The following NEGR1 variants were observed in gnomAD, a reference collection of about 807,000 sequenced individuals.
NEGR1 encodes the protein neuronal growth regulator 1.
In NEGR1, 10 loss-of-function variants were observed where a neutral mutation model predicts 40.9. The observed-to-expected ratio is 0.24, with a 90% CI of 0.15 to 0.42. The LOEUF (loss-of-function observed/expected upper bound fraction) is 0.42, where lower values mean the gene tolerates loss of function less well. NEGR1 is among the 10% of genes least tolerant of loss of function. NEGR1 has a pLI of 1.00. For synonymous variants in NEGR1, 185 were observed against 166.8 expected (o/e 1.11, Z -0.84); for missense variants, 352 against 438.9 (o/e 0.80, Z 1.77).
rs1646246916 is a variant in NEGR1 at position 71,401,595 on chromosome 1, TTCATGTTAGTA to T, written c.*5840_*5850del. 1.3e-5 allele frequency: 2 copies of T among 152,222 alleles called. No individual in the cohort carries two copies. The highest frequency in any genetic ancestry group is 4.8e-5 in the African/African-American group (2 of 41,468). The allele number at this position is 152,222 out of a possible 1,614,324, so 9.4% of individuals were successfully genotyped here. A position where few individuals can be genotyped will look rare whatever the true frequency, so the allele number is the denominator to read the frequency against. Reference sequence around the variant, plus strand: ...TCTACTGTCCCAGCACAAACAGATGTTCATGTTAGTATTTCAATATAAATGGCCTCAAACAA... The same window carrying T: ...TCTACTGTCCCAGCACAAACAGATGTTTTCAATATAAATGGCCTCAAACAA... On this transcript the variant is annotated 3_prime_UTR_variant, in exon 7 of 7. Coordinates refer to ENST00000357731, the MANE Select transcript of NEGR1 (RefSeq NM_173808.3).
chr1:71,675,354 T>C (rs1357709655), intron 4 of NEGR1, among the ~76,000 whole-genome samples: 1 of 150,744 alleles, frequency 6.6e-6, no homozygotes, highest in Non-Finnish European at 1.5e-5. Flanking sequence ...ATGGGAGCAG[T>C]ACAAGAATAA....
chr1:72,181,594 A>G (rs1652374216), intron 1 of NEGR1, among the ~76,000 whole-genome samples: 1 of 152,132 alleles, frequency 6.6e-6, no homozygotes, highest in Admixed American at 6.6e-5. Flanking sequence ...CCAAAATGAA[A>G]TCACCATCTC....
At chr1:71,835,612 C>A (rs1417669787) in intron 2 of NEGR1, among the ~76,000 whole-genome samples, 21 of 152,022 alleles carry the variant, frequency 1.4e-4, no homozygotes, top group Non-Finnish European at 1.9e-4. Flanking sequence ...GTCCCCCAAC[C>A]TATGTATATC....
At chr1:71,428,237 G>T (rs1646442152) in intron 6 of NEGR1, among the ~76,000 whole-genome samples, 1 of 152,164 alleles carries the variant, frequency 6.6e-6, no homozygotes, top group Non-Finnish European at 1.5e-5. Flanking sequence ...CCAGCTCTGG[G>T]TGCTTGCCTT....
At chr1:72,254,878 T>C (rs1326547124) in intron 1 of NEGR1, among the ~76,000 whole-genome samples, 2 of 151,452 alleles carry the variant, frequency 1.3e-5, no homozygotes, top group Admixed American at 6.6e-5. Context: ...TGATTTTTTT[T>C]CCAGAAACCT....
chr1:71,588,968 GTCT>G (rs761335680), intron 6 of NEGR1, among the ~76,000 whole-genome samples: 23 of 152,232 alleles, frequency 1.5e-4, no homozygotes, highest in Admixed American at 3.3e-4. Flanking sequence ...CATCAGCCTT[GTCT>G]TCTTCTTTTC....
At chr1:72,096,602 T>C (rs1235745034) in intron 1 of NEGR1, among the ~76,000 whole-genome samples, 2 of 152,096 alleles carry the variant, frequency 1.3e-5, no homozygotes, top group African/African-American at 4.8e-5. Context: ...AATAACTCAT[T>C]CATATAAAAT....
chr1:71,776,982 A>G (rs1442879915), intron 2 of NEGR1, among the ~76,000 whole-genome samples: 1 of 152,160 alleles, frequency 6.6e-6, no homozygotes, highest in Non-Finnish European at 1.5e-5. Flanking sequence ...TTTGCACTGT[A>G]AATCCATAAG....
At chr1:72,162,753 C>T (rs1437893117) in intron 1 of NEGR1, among the ~76,000 whole-genome samples, 2 of 152,134 alleles carry the variant, frequency 1.3e-5, no homozygotes, top group Non-Finnish European at 2.9e-5. Flanking sequence ...GAAGTATTGA[C>T]TTGGACATAA....
chr1:72,187,011 C>CT (rs2100422155), intron 1 of NEGR1, among the ~76,000 whole-genome samples: 1 of 151,522 alleles, frequency 6.6e-6, no homozygotes, highest in African/African-American at 2.4e-5. Context: ...GGTCAATTTT[C>CT]TTTTTTTCCT....
chr1:71,999,649 ATATATATATATATATATATAT>A (rs1646537815), intron 1 of NEGR1, among the ~76,000 whole-genome samples: 1 of 42,590 alleles, frequency 2.3e-5, no homozygotes, highest in African/African-American at 5.9e-5. Flanking sequence ...ATATATATAT[ATATATATATATATATATATAT>A]ATATATATAC....
intron 1 of NEGR1, among the ~76,000 whole-genome samples, chr1:72,066,853 C>T (rs72680874): frequency 0.014 from 2,115 of 152,096 alleles, 28 homozygotes; most frequent in Non-Finnish European, 0.022. Context: ...CTGACCGAGT[C>T]AAAAATTTGG....
chr1:71,924,912 G>A (rs1042992193), intron 2 of NEGR1, among the ~76,000 whole-genome samples: 2 of 151,060 alleles, frequency 1.3e-5, no homozygotes, highest in Non-Finnish European at 2.9e-5. Context: ...TATTATGTCA[G>A]CATTCACGGT....
intron 5 of NEGR1, among the ~76,000 whole-genome samples, chr1:71,606,129 A>C (rs1444079103): frequency 6.6e-6 from 1 of 152,220 alleles, no homozygotes; most frequent in African/African-American, 2.4e-5. Flanking sequence ...TTCCCCATAT[A>C]GCTAATAATA....
chr1:71,796,399 A>G (rs1041203606), intron 2 of NEGR1, among the ~76,000 whole-genome samples: 22 of 152,188 alleles, frequency 1.4e-4, no homozygotes, highest in African/African-American at 3.4e-4. Flanking sequence ...GTAGTGATAG[A>G]CAAAGTCATT....
At chr1:71,952,901 T>A (rs1415677446) in intron 1 of NEGR1, among the ~76,000 whole-genome samples, 2 of 151,604 alleles carry the variant, frequency 1.3e-5, no homozygotes, top group Non-Finnish European at 2.9e-5. Context: ...GGCAGCACAT[T>A]TTTTACAGCT....
In NEGR1 at chr1:71,563,324, C is replaced by T. The variant is rs181118721; in HGVS notation, c.940+29493G>A. Among the ~76,000 whole-genome samples the T allele has an allele frequency of 2.0e-3, 303 of 152,050 alleles. 1 individual carries two copies. The highest frequency in any genetic ancestry group is 6.8e-3 in the Middle Eastern group (2 of 294). ...GGCAGATAAATGGCCGGTGCATGAA[C>T]CCAAGATAGGGTTGATTTTTCCCTC... On this transcript the variant is annotated intron_variant, in intron 6 of 6. Transcript: ENST00000357731.
chr1:71,562,966 C>G (rs1648507098), intron 6 of NEGR1, among the ~76,000 whole-genome samples: 2 of 151,960 alleles, frequency 1.3e-5, no homozygotes, highest in Non-Finnish European at 2.9e-5. Context: ...TGGTGCACAT[C>G]ACTTCTGCTA....
At chr1:71,648,986 C>T (rs1055874594) in intron 4 of NEGR1, among the ~76,000 whole-genome samples, 2 of 152,006 alleles carry the variant, frequency 1.3e-5, no homozygotes, top group African/African-American at 4.8e-5. Flanking sequence ...TAAATGCTTT[C>T]CCTGATCTTC....
Sources: gnomAD v4.1 joint callset for allele counts (sites outside exome capture counted in the v4.1 genomes callset) on GRCh38, gnomAD v4.1.1 for gene constraint, MANE v1.5 for transcripts, NCBI Gene and HGNC (gene_info 2026-07-23, HGNC 2026-07-21) for gene names.